Variants in FABP12 observed in about 807,000 individuals in gnomAD.
The protein encoded by FABP12 is fatty acid-binding protein 12.
FABP12 carries 19 observed loss-of-function variants against 13.7 expected under a neutral mutation model. That is an observed-to-expected ratio of 1.39 (90% CI 0.97 to 2.04). The LOEUF (loss-of-function observed/expected upper bound fraction) is 2.04, where lower values mean the gene tolerates loss of function less well. Among genes scored for constraint, FABP12 ranks in the 30% most tolerant of loss-of-function variants. The pLI is 0.00. For synonymous variants in FABP12, 61 were observed against 57.0 expected (o/e 1.07, Z -0.32); for missense variants, 182 against 164.2 (o/e 1.11, Z -0.59).
At chr8:81,527,550 A>G (rs1298381421) in intron 3 of FABP12, among the ~76,000 whole-genome samples, 1 of 151,928 alleles carries the variant, frequency 6.6e-6, no homozygotes, top group African/African-American at 2.4e-5. Flanking sequence ...TTTAGTAAAG[A>G]CGGGGTTTCA....
chr8:81,530,162 A>G (rs1283230671), intron 2 of FABP12, among the ~76,000 whole-genome samples: 5 of 152,196 alleles, frequency 3.3e-5, no homozygotes, highest in African/African-American at 9.6e-5. Flanking sequence ...GAACATCACA[A>G]TGTTGTGCAA....
chr8:81,564,267 A>G (rs1446687688), intron 1 of FABP12, among the ~76,000 whole-genome samples: 1 of 152,222 alleles, frequency 6.6e-6, no homozygotes, highest in African/African-American at 2.4e-5. Context: ...CTGTTCTATA[A>G]GAAATGCTGA....
intron 1 of FABP12, among the ~76,000 whole-genome samples, chr8:81,552,858 T>C (rs1809543823): frequency 6.6e-6 from 1 of 152,018 alleles, no homozygotes; most frequent in Non-Finnish European, 1.5e-5. Flanking sequence ...AAGCTAGTGG[T>C]TCCATTTACT....
intron 1 of FABP12, among the ~76,000 whole-genome samples, chr8:81,544,573 A>G (rs1016439669): frequency 3.3e-5 from 5 of 152,232 alleles, no homozygotes; most frequent in Admixed American, 2.0e-4. Context: ...AGAGTGATCA[A>G]TTGTGAGAAC....
At chr8:81,576,520 AAC>A (rs1210155394) in intron 1 of FABP12, among the ~76,000 whole-genome samples, 13 of 149,530 alleles carry the variant, frequency 8.7e-5, no homozygotes, top group Admixed American at 2.6e-4. Flanking sequence ...CAAACACACA[AAC>A]ACACACACAC....
At chr8:81,571,859 T>A (rs1809937508) in intron 1 of FABP12, among the ~76,000 whole-genome samples, 1 of 152,246 alleles carries the variant, frequency 6.6e-6, no homozygotes, top group African/African-American at 2.4e-5. Flanking sequence ...AAACTTGACT[T>A]CCTCCAATTC....
intron 2 of FABP12, among the ~76,000 whole-genome samples, chr8:81,539,336 G>A (rs944971164): frequency 1.3e-5 from 2 of 149,812 alleles, no homozygotes; most frequent in Non-Finnish European, 3.0e-5. Flanking sequence ...GGAATAAAAG[G>A]CTGAATAATA....
intron 1 of FABP12, among the ~76,000 whole-genome samples, chr8:81,577,685 C>T (rs1367453990): frequency 1.3e-5 from 2 of 152,074 alleles, no homozygotes; most frequent in African/African-American, 2.4e-5. Context: ...CGCTTGAACC[C>T]GGGAGGTGGA....
intron 1 of FABP12, among the ~76,000 whole-genome samples, chr8:81,573,297 C>T (rs1809968315): frequency 6.6e-6 from 1 of 152,190 alleles, no homozygotes; most frequent in Admixed American, 6.5e-5. Context: ...TATTCTGTTC[C>T]ATTGGTCTAT....
intron 1 of FABP12, among the ~76,000 whole-genome samples, chr8:81,581,799 A>G (rs1191630606): frequency 1.3e-5 from 2 of 152,204 alleles, no homozygotes; most frequent in African/African-American, 4.8e-5. Context: ...AATCACAATT[A>G]GACTGACTCT....
intron 1 of FABP12, among the ~76,000 whole-genome samples, chr8:81,578,952 C>T (rs968543486): frequency 3.4e-4 from 52 of 151,204 alleles, no homozygotes; most frequent in African/African-American, 8.5e-4. Flanking sequence ...CCTCAGCCTC[C>T]GGAGTAGCTG....
intron 2 of FABP12, among the ~76,000 whole-genome samples, chr8:81,530,099 A>G (rs557724945): frequency 6.6e-6 from 1 of 152,336 alleles, no homozygotes; most frequent in Non-Finnish European, 1.5e-5. Flanking sequence ...TTATTGTGGT[A>G]AAATATTTAT....
At chr8:81,549,017 A>G (rs546610302) in intron 1 of FABP12, among the ~76,000 whole-genome samples, 89 of 152,286 alleles carry the variant, frequency 5.8e-4, no homozygotes, top group African/African-American at 2.1e-3. Context: ...GCCTCATCCA[A>G]TCAGTTGAGG....
chr8:81,540,727 T>C (rs771507108), intron 1 of FABP12, among the ~76,000 whole-genome samples: 2 of 152,246 alleles, frequency 1.3e-5, no homozygotes, highest in Non-Finnish European at 2.9e-5. Flanking sequence ...ATAGTTTAGT[T>C]GCTAGTATTG....
chr8:81,589,413 CCTT>C lies in FABP12; in HGVS notation c.-185+637_-185+639del, dbSNP rs1423872075. Among the ~76,000 whole-genome samples, 7 of 151,672 alleles carry C rather than the reference CCTT, an allele frequency of 4.6e-5. No individual in the cohort carries two copies. The South Asian group carries it at 1.5e-3, about 32-fold the overall frequency. On this transcript the variant is annotated intron_variant, in intron 1 of 5. Coordinates refer to the FABP12 transcript ENST00000692030. Reference sequence around the variant, plus strand: ...ATCTACAAAAAATAAAACAAATTACCCTTCTTCTGTCTGCAACATCTCTCCAGC... The same window carrying C: ...ATCTACAAAAAATAAAACAAATTACCCTTCTGTCTGCAACATCTCTCCAGC...
chr8:81,568,749 T>C (rs1809872502), intron 1 of FABP12, among the ~76,000 whole-genome samples: 1 of 152,152 alleles, frequency 6.6e-6, no homozygotes, highest in East Asian at 1.9e-4. Context: ...AATGCACAAA[T>C]GGATAAAGAA....
upstream of FABP12, among the ~76,000 whole-genome samples, chr8:81,534,732 C>T (rs1809179336): frequency 6.6e-6 from 1 of 152,066 alleles, no homozygotes; most frequent in Non-Finnish European, 1.5e-5. Flanking sequence ...CACCTGGGGT[C>T]AGGAGTTTGA....
chr8:81,525,043 G>A (rs746598180), exon 5 of FABP12: 2 of 1,586,142 alleles, frequency 1.3e-6, no homozygotes, highest in Non-Finnish European at 1.7e-6. Context: ...GCTTGAGAAA[G>A]CCTTAAGAGT....
chr8:81,541,617 T>C (rs777370664), intron 1 of FABP12, among the ~76,000 whole-genome samples: 1 of 152,084 alleles, frequency 6.6e-6, no homozygotes, highest in Non-Finnish European at 1.5e-5. Context: ...GAATGGAGTT[T>C]TGCCTTTGAT....
Sources: allele counts gnomAD v4.1 joint callset (sites outside exome capture counted in the v4.1 genomes callset), GRCh38; gene constraint gnomAD v4.1.1; transcripts MANE v1.5; gene names NCBI Gene and HGNC (gene_info 2026-07-23, HGNC 2026-07-21).